The following RERE variants were observed in gnomAD, a reference collection of about 807,000 sequenced individuals.
RERE encodes arginine-glutamic acid dipeptide repeats protein.
Under a neutral mutation model 146.1 loss-of-function variants are expected in RERE, and 40 were observed. The ratio of observed to expected loss-of-function variants is 0.27; its 90% CI spans 0.21 to 0.36. The LOEUF is 0.36. Ranked by LOEUF, RERE falls within the 10% of genes least tolerant of loss-of-function variation. The probability of loss-of-function intolerance (pLI) is 1.00; values close to 1 mark genes in which losing one functional copy is unlikely to be tolerated. For missense variants in RERE, 1,933 were observed against 2,138.7 expected (o/e 0.90, Z 1.90); for synonymous variants, 1,003 against 866.0 (o/e 1.16, Z -2.78).
chr1:8,359,130 C>T (rs982801727), intron 19 of RERE, among the ~76,000 whole-genome samples: 3 of 152,198 alleles, frequency 2.0e-5, no homozygotes, highest in Non-Finnish European at 4.4e-5. Flanking sequence ...TCCCCTCAGG[C>T]CCAGATGGGA....
At chr1:8,420,987 C>G (rs1643902446) in intron 12 of RERE, among the ~76,000 whole-genome samples, 1 of 152,230 alleles carries the variant, frequency 6.6e-6, no homozygotes, top group Non-Finnish European at 1.5e-5. Flanking sequence ...TTAAAGGTTA[C>G]TCACATCTGC....
intron 1 of RERE, among the ~76,000 whole-genome samples, chr1:8,751,423 A>G (rs1640532072): frequency 6.6e-6 from 1 of 152,204 alleles, no homozygotes; most frequent in East Asian, 1.9e-4. Context: ...TCATGTTTTT[A>G]ATACCTGGCA....
In RERE at chr1:8,446,574, T is replaced by C. The variant is rs534616186; in HGVS notation, c.1203+19351A>G. 1.8e-4 allele frequency among the ~76,000 whole-genome samples: 28 copies of C among 152,296 alleles called. 1 individual carries two copies. The highest frequency in any genetic ancestry group is 2.8e-4 in the Non-Finnish European group (19 of 68,022). Reference sequence around the variant, plus strand: ...TTCTCCTGGTTAATATCCCGAAGAGTGTTTTCCAACTTGGTTCCATTCTCT... The same window carrying C: ...TTCTCCTGGTTAATATCCCGAAGAGCGTTTTCCAACTTGGTTCCATTCTCT... On this transcript the variant is annotated intron_variant, in intron 11 of 22. Coordinates refer to ENST00000400908, the MANE Select transcript of RERE (RefSeq NM_001042681.2).
At chr1:8,478,892 C>T (rs550527025) in intron 10 of RERE, among the ~76,000 whole-genome samples, 43 of 152,254 alleles carry the variant, frequency 2.8e-4, no homozygotes, top group African/African-American at 9.9e-4. Context: ...AAGAAACAAC[C>T]TGGGAGGTCA....
At chr1:8,653,026 A>C (rs991368481) in intron 2 of RERE, among the ~76,000 whole-genome samples, 3 of 152,134 alleles carry the variant, frequency 2.0e-5, no homozygotes, top group African/African-American at 7.2e-5. Flanking sequence ...TTGTTGGTTT[A>C]TTTCTATTTT....
chr1:8,398,899 T>A (rs540470387), intron 12 of RERE, among the ~76,000 whole-genome samples: 6 of 152,316 alleles, frequency 3.9e-5, no homozygotes, highest in African/African-American at 1.4e-4. Flanking sequence ...GAGTACCTGC[T>A]TTTCAACAAC....
chr1:8,731,968 A>C (rs1640095325), intron 1 of RERE, among the ~76,000 whole-genome samples: 1 of 151,956 alleles, frequency 6.6e-6, no homozygotes, highest in South Asian at 2.1e-4. Flanking sequence ...ACGCCCGGCT[A>C]ATTTTTTTGT....
intron 7 of RERE, among the ~76,000 whole-genome samples, chr1:8,539,265 C>T (rs1645767201): frequency 6.6e-6 from 1 of 152,124 alleles, no homozygotes; most frequent in South Asian, 2.1e-4. Flanking sequence ...CCAATAAATG[C>T]ATATGTAAAA....
intron 7 of RERE, among the ~76,000 whole-genome samples, chr1:8,536,833 C>T (rs1645732960): frequency 6.6e-6 from 1 of 152,164 alleles, no homozygotes; most frequent in Admixed American, 6.6e-5. Flanking sequence ...TTAAGGCTCT[C>T]TCATTTTTCA....
intron 1 of RERE, among the ~76,000 whole-genome samples, chr1:8,771,903 CTG>C (rs1270497085): frequency 8.3e-6 from 1 of 120,948 alleles, no homozygotes; most frequent in East Asian, 2.3e-4. Flanking sequence ...GAGTGAGACT[CTG>C]TCTCAAAAAA....
chr1:8,607,529 TATTTC>T lies in RERE; in HGVS notation c.522+7027_522+7031del, dbSNP rs1488627927. On this transcript the variant is annotated intron_variant, in intron 4 of 22. Transcript: ENST00000400908. ...AGCCCCGCATATTTGTTTTTATATATATTTCTTTTTTTTTTTTTTTTTTTTTTTTT... is the reference window on the plus strand; with the variant it reads ...AGCCCCGCATATTTGTTTTTATATATTTTTTTTTTTTTTTTTTTTTTTTTT... 2.3e-5 allele frequency among the ~76,000 whole-genome samples: 3 copies of T among 130,610 alleles called. No individual in the cohort carries two copies. The East Asian group carries it at 6.8e-4, about 29-fold the overall frequency. 85.7% of individuals were successfully genotyped at this position (130,610 alleles called of 152,430 possible).
At chr1:8,374,429 C>T (rs1485354979) in intron 12 of RERE, among the ~76,000 whole-genome samples, 2 of 152,174 alleles carry the variant, frequency 1.3e-5, no homozygotes, top group African/African-American at 2.4e-5. Context: ...ACTGCAATAG[C>T]TCAAGATTTC....
chr1:8,541,857 T>A (rs1321259794), intron 6 of RERE, among the ~76,000 whole-genome samples: 1 of 152,198 alleles, frequency 6.6e-6, no homozygotes, highest in Non-Finnish European at 1.5e-5. Context: ...AATTTTAACT[T>A]TTTTGCATAA....
At chr1:8,782,950 C>T (rs1307487597) in intron 1 of RERE, among the ~76,000 whole-genome samples, 3 of 152,116 alleles carry the variant, frequency 2.0e-5, no homozygotes, top group African/African-American at 7.2e-5. Context: ...CTTCCCATGT[C>T]AGCTCCTGAC....
chr1:8,515,810 A>G (rs1272562757), intron 7 of RERE, among the ~76,000 whole-genome samples: 1 of 152,180 alleles, frequency 6.6e-6, no homozygotes, highest in Admixed American at 6.5e-5. Context: ...CATATAAAGG[A>G]TACTACTGTA....
At chr1:8,426,250 C>T (rs944390373) in intron 11 of RERE, among the ~76,000 whole-genome samples, 1 of 151,936 alleles carries the variant, frequency 6.6e-6, no homozygotes, top group African/African-American at 2.4e-5. Flanking sequence ...GCCAGGAGAT[C>T]GAGACCATCC....
At chr1:8,400,220 A>ATATATGTGTGTGTGTGTG (rs1643200976) in intron 12 of RERE, among the ~76,000 whole-genome samples, 1 of 33,902 alleles carries the variant, frequency 2.9e-5, no homozygotes. Flanking sequence ...TTCCTGTGTC[A>ATATATGTGTGTGTGTGTG]TATGTGTGTG....
At chr1:8,728,489 C>T (rs1330013206) in intron 1 of RERE, among the ~76,000 whole-genome samples, 1 of 151,274 alleles carries the variant, frequency 6.6e-6, no homozygotes, top group Admixed American at 6.6e-5. Context: ...CTATTGAAAC[C>T]ATGTTTAGAG....
chr1:8,505,103 C>T (rs1283460325), intron 8 of RERE, among the ~76,000 whole-genome samples: 2 of 152,122 alleles, frequency 1.3e-5, no homozygotes, highest in African/African-American at 2.4e-5. Flanking sequence ...AGCTTCTTTA[C>T]CACATACACT....
Sources: allele counts gnomAD v4.1 joint callset (sites outside exome capture counted in the v4.1 genomes callset), GRCh38; gene constraint gnomAD v4.1.1; transcripts MANE v1.5; gene names NCBI Gene and HGNC (gene_info 2026-07-23, HGNC 2026-07-21).